Variants in FAM135A observed in about 807,000 individuals in gnomAD.
FAM135A encodes family with sequence similarity 135 member A.
FAM135A carries 79 observed loss-of-function variants against 146.8 expected under a neutral mutation model. That is an observed-to-expected ratio of 0.54 (90% CI 0.45 to 0.65). FAM135A has a LOEUF of 0.65. Among genes scored for constraint, FAM135A ranks in the 30% least tolerant of loss-of-function variants. FAM135A has a pLI of 0.00. For synonymous variants in FAM135A, 562 were observed against 603.6 expected, an observed-to-expected ratio of 0.93 and a Z score of 1.01; for missense variants, 1,623 against 1,758.2, an observed-to-expected ratio of 0.92 and a Z score of 1.38.
At chr6:70,508,706 C>T (rs1469915213) in intron 12 of FAM135A, among the ~76,000 whole-genome samples, 1 of 152,224 alleles carries the variant, frequency 6.6e-6, no homozygotes, top group Admixed American at 6.5e-5. Flanking sequence ...TTAGTTCTAT[C>T]ATACAAAATA....
At chr6:70,539,713 C>T (rs555591844) in intron 20 of FAM135A, among the ~76,000 whole-genome samples, 3 of 152,026 alleles carry the variant, frequency 2.0e-5, no homozygotes, top group Non-Finnish European at 2.9e-5. Context: ...GACATTGACA[C>T]GGCCGGGCGT....
At chr6:70,516,014 G>A (rs1792111136) in intron 12 of FAM135A, among the ~76,000 whole-genome samples, 2 of 151,880 alleles carry the variant, frequency 1.3e-5, no homozygotes, top group Non-Finnish European at 2.9e-5. Context: ...ATTTTATCTC[G>A]ATTGTAGATT....
In FAM135A at chr6:70,514,998, T is replaced by C. The variant is rs117293120; in HGVS notation, c.1030-7515T>C. Among the ~76,000 whole-genome samples the C allele has an allele frequency of 9.1e-4, 138 of 152,314 alleles. No individual in the cohort carries two copies. The Middle Eastern group carries it at 0.01, about 11-fold the overall frequency. The stretch of plus-strand genomic sequence containing the variant: ...GAAGAGAAATATCCAACTCTAGCCT[T>C]CTGTATGGGGGAAATAAAATATCCG... On this transcript the variant is annotated intron_variant, in intron 12 of 21. Transcript: ENST00000418814.
chr6:70,413,655 G>C lies in FAM135A; in HGVS notation c.-267G>C, dbSNP rs149723236. 3.4e-6 allele frequency: 1 copy of C among 291,678 alleles called. No individual in the cohort carries two copies. The highest frequency in any genetic ancestry group is 5.1e-6 in the Non-Finnish European group (1 of 195,354). The allele number at this position is 291,678 out of a possible 1,614,324, so 18.1% of individuals were successfully genotyped here. ...GGCCGTCTTCTTGCAGCTGGACAAC[G>C]AGCTCCTCCGTTCGACAGGCGGGGG... On this transcript the variant is annotated 5_prime_UTR_variant, in exon 1 of 22. Transcript: ENST00000418814.
At chr6:70,550,785 T>TCATGGATGG (rs1336835915) in intron 20 of FAM135A, among the ~76,000 whole-genome samples, 2 of 152,212 alleles carry the variant, frequency 1.3e-5, no homozygotes, top group African/African-American at 4.8e-5. Context: ...ATCTATGAAG[T>TCATGGATGG]CATGGATGGC....
chr6:70,413,679 G>C lies in FAM135A; in HGVS notation c.-243G>C, dbSNP rs1048019073. 2.3e-6 allele frequency: 1 copy of C among 442,414 alleles called. No individual in the cohort carries two copies. The highest frequency in any genetic ancestry group is 3.0e-6 in the Non-Finnish European group (1 of 333,178). The allele number at this position is 442,414 out of a possible 1,614,324, so 27.4% of individuals were successfully genotyped here. ...CGAGCTCCTCCGTTCGACAGGCGGG[G>C]GAAGAGGCCGAGCCGGGCGAGAGGT... On this transcript the variant is annotated 5_prime_UTR_variant, in exon 1 of 22. Coordinates refer to ENST00000418814, the MANE Select transcript of FAM135A (RefSeq NM_001162529.3).
intron 12 of FAM135A, among the ~76,000 whole-genome samples, chr6:70,517,460 C>A (rs1321542583): frequency 3.3e-5 from 5 of 150,042 alleles, no homozygotes; most frequent in African/African-American, 4.9e-5. Context: ...CTCTTGTCAC[C>A]CAGGCTGGAG....
intron 7 of FAM135A, 32 bp downstream of exon 7, chr6:70,475,765 G>A (rs752511769): frequency 2.6e-6 from 4 of 1,514,330 alleles, no homozygotes; most frequent in Non-Finnish European, 3.6e-6. Flanking sequence ...AAACCTTTAG[G>A]CACTTATGAC....
At chr6:70,438,905 C>G (rs940473321) in intron 4 of FAM135A, among the ~76,000 whole-genome samples, 19 of 152,212 alleles carry the variant, frequency 1.2e-4, no homozygotes, top group African/African-American at 4.3e-4. Flanking sequence ...GCCTGTAATC[C>G]CAGTACTTTG....
At chr6:70,462,837 G>A (rs1305169301) in intron 5 of FAM135A, among the ~76,000 whole-genome samples, 2 of 152,184 alleles carry the variant, frequency 1.3e-5, no homozygotes, top group Non-Finnish European at 2.9e-5. Context: ...ATAAAAGTAA[G>A]GAAAGATTGT....
At chr6:70,551,918 G>A (rs771139798) in intron 20 of FAM135A, among the ~76,000 whole-genome samples, 11 of 152,120 alleles carry the variant, frequency 7.2e-5, no homozygotes, top group Non-Finnish European at 1.3e-4. Context: ...TTTGAATATT[G>A]TAAGAATTAC....
rs767077263 is a variant in FAM135A at position 70,480,979 on chromosome 6, T to C, written c.621T>C (p.Leu207=). 2.9e-5 allele frequency: 46 copies of C among 1,612,522 alleles called. No homozygotes were observed. Among genetic ancestry groups the C allele is most frequent in the Non-Finnish European group, 3.8e-5 (45 of 1,179,190 alleles). ...AQNKDSVIPT[L]ESVVFGINYT... is the part of the protein sequence containing the mutation. Reference sequence around the variant, plus strand: ...ACAAAGATTCCGTGATTCCTACTCTTGAAAGTGTGGTCTTTGGTATTAACT... The same window carrying C: ...ACAAAGATTCCGTGATTCCTACTCTCGAAAGTGTGGTCTTTGGTATTAACT... The change falls in exon 9 of 22, where the codon CTT becomes CTC. Residue 207 remains leucine, a synonymous_variant. Coordinates refer to ENST00000418814, the MANE Select transcript of FAM135A (RefSeq NM_001162529.3).
At chr6:70,531,700 C>T (rs1795821877) in intron 16 of FAM135A, among the ~76,000 whole-genome samples, 1 of 152,018 alleles carries the variant, frequency 6.6e-6, no homozygotes. Context: ...ATTGTTTTTT[C>T]CCTTCTTTAA....
Position 70,526,546 on chromosome 6 carries a change from C to T in FAM135A, c.3462C>T (p.Ser1154=). ...CTGTCTGTACTTCTGGTTGTTTGTC[C>T]TTCCCGTCTGCACCACGAGAGTCTC... ...MPTVCTSGCL[S]FPSAPRESPC... is the part of the protein sequence containing the mutation. Residue 1154 remains serine (S), a synonymous_variant, in exon 15 of 22, where the codon TCC becomes TCT. Transcript: ENST00000418814. 6.2e-7 allele frequency: 1 copy of T among 1,613,488 alleles called. No homozygotes were observed. Among genetic ancestry groups the T allele is most frequent in the Non-Finnish European group, 8.5e-7 (1 of 1,179,694 alleles).
At chr6:70,432,004 CAAA>C (rs1771770169) in intron 4 of FAM135A, among the ~76,000 whole-genome samples, 1 of 151,846 alleles carries the variant, frequency 6.6e-6, no homozygotes, top group African/African-American at 2.4e-5. Context: ...ACTCTTTAGA[CAAA>C]AAAGTCATGA....
intron 12 of FAM135A, among the ~76,000 whole-genome samples, chr6:70,520,680 A>G (rs758326328): frequency 2.0e-5 from 3 of 152,188 alleles, no homozygotes; most frequent in African/African-American, 4.8e-5. Context: ...AAGCAGTAAT[A>G]TATATATTCC....
intron 13 of FAM135A, among the ~76,000 whole-genome samples, chr6:70,523,494 T>C (rs1221907608): frequency 1.3e-5 from 2 of 152,146 alleles, no homozygotes; most frequent in Non-Finnish European, 2.9e-5. Flanking sequence ...TGTTTTGTAT[T>C]AGAAAATTAT....
rs1174325659 is a variant in FAM135A, at chr6:70,531,882, T to C, written c.3776-1278T>C. ...TGTTTGATAAGGTTTCTTTTTAAAC[T>C]GATTTCTTTTTTTTTTTTTTTTTTT... On this transcript the variant is annotated intron_variant, in intron 16 of 21. Coordinates refer to ENST00000418814, the MANE Select transcript of FAM135A (RefSeq NM_001162529.3). 1.1e-4 allele frequency among the ~76,000 whole-genome samples: 16 copies of C among 146,842 alleles called. No individual in the cohort carries two copies. In the Admixed American group the frequency reaches 1.1e-3, roughly 10 times the overall value.
At chr6:70,492,111 G>A (rs1443908037) in intron 11 of FAM135A, among the ~76,000 whole-genome samples, 1 of 151,594 alleles carries the variant, frequency 6.6e-6, no homozygotes, top group Non-Finnish European at 1.5e-5. Flanking sequence ...AATGTAGAAA[G>A]ACTTGCTCGA....
Sources: gnomAD v4.1 joint callset for allele counts (sites outside exome capture counted in the v4.1 genomes callset) on GRCh38, gnomAD v4.1.1 for gene constraint, MANE v1.5 for transcripts, NCBI Gene and HGNC (gene_info 2026-07-23, HGNC 2026-07-21) for gene names.